The following GPR132 variants were observed in gnomAD, a reference collection of about 807,000 sequenced individuals.
The protein encoded by GPR132 is probable G protein-coupled receptor 132.
A neutral mutation model predicts 1.9 loss-of-function variants in GPR132; 4 were observed. That is an observed-to-expected ratio of 2.13 (90% confidence interval 1.05 to 4.87). The LOEUF (loss-of-function observed/expected upper bound fraction) is 4.87, where lower values mean the gene tolerates loss of function less well. Ranked by LOEUF, GPR132 falls within the 30% of genes most tolerant of loss-of-function variation. The pLI is 0.01. For synonymous variants in GPR132, 233 were observed against 234.2 expected, an observed-to-expected ratio of 0.99 and a Z score of 0.05; for missense variants, 404 against 512.5, an observed-to-expected ratio of 0.79 and a Z score of 2.04.
chr14:105,058,476 GT>G (rs1421347379), intron 1 of GPR132, among the ~76,000 whole-genome samples: 2 of 152,262 alleles, frequency 1.3e-5, no homozygotes, highest in Non-Finnish European at 2.9e-5. Context: ...GGCCTATCAT[GT>G]TGGCAAAAAT....
Position 105,051,651 on chromosome 14 carries a change from G to A in GPR132, c.486C>T (p.Ile162=). 2.5e-6 allele frequency: 4 copies of A among 1,613,938 alleles called. No homozygotes were observed. Among genetic ancestry groups the A allele is most frequent in the Non-Finnish European group, 3.4e-6 (4 of 1,180,048 alleles). ...GRRRRRTAIL[I]SACIFILVGI... Reference sequence around the variant, plus strand: ...CGACGAGGATGAAGATGCAGGCGGAGATGAGGATGGCGGTCCTCCGGCGGC... The same window carrying A: ...CGACGAGGATGAAGATGCAGGCGGAAATGAGGATGGCGGTCCTCCGGCGGC... The change falls in exon 4 of 4, where the codon ATC becomes ATT. Residue 162 remains isoleucine, a synonymous_variant. Transcript: ENST00000329797. This position sits in a 1 kb window ranked among gnomAD's most constrained non-coding sequence, Gnocchi z 8.0.
At chr14:105,061,854 G>A (rs1886952345) in intron 1 of GPR132, among the ~76,000 whole-genome samples, 1 of 152,212 alleles carries the variant, frequency 6.6e-6, no homozygotes, top group Non-Finnish European at 1.5e-5. Flanking sequence ...GGGTGGGAGT[G>A]ACTGAGCCCT....
At position 105,056,083 on chromosome 14, in the gene GPR132, T is replaced by G. The variant is rs1255458151; in HGVS notation, c.-663A>C. ...GCTGGCCCACCTTCCCCCGGCGGTG[T>G]GCAGGGCTCCGGTCTCCCCACAGCC... On this transcript the variant is annotated 5_prime_UTR_variant, in exon 3 of 4. Transcript: ENST00000329797. The surrounding 1 kb of genome is among the most constrained non-coding windows in gnomAD (Gnocchi z 6.0). The G allele has an allele frequency of 1.0e-6, 1 of 956,698 alleles. No homozygotes were observed. Among genetic ancestry groups the G allele is most frequent in the Non-Finnish European group, 1.2e-6 (1 of 803,648 alleles). The allele number at this position is 956,698 out of a possible 1,614,324, so 59.3% of individuals were successfully genotyped here. A position where few individuals can be genotyped will look rare whatever the true frequency, so the allele number is the denominator to read the frequency against.
chr14:105,063,845 CTT>C (rs5811167), intron 1 of GPR132, among the ~76,000 whole-genome samples: 3 of 148,720 alleles, frequency 2.0e-5, no homozygotes, highest in Non-Finnish European at 1.5e-5. Flanking sequence ...TTCTTTCTTT[CTT>C]TTTTTTTTTG....
At chr14:105,058,229 T>G (rs1012540653) in intron 1 of GPR132, among the ~76,000 whole-genome samples, 11 of 151,928 alleles carry the variant, frequency 7.2e-5, no homozygotes, top group African/African-American at 2.7e-4. Context: ...GGCATGATGG[T>G]GCACACGTGT....
chr14:105,050,717 C>G lies in GPR132; in HGVS notation c.*277G>C. The G allele has an allele frequency of 2.0e-6, 1 of 502,276 alleles. No individual in the cohort carries two copies. Among genetic ancestry groups the G allele is most frequent in the Non-Finnish European group, 3.6e-6 (1 of 279,750 alleles). The allele number at this position is 502,276 out of a possible 1,614,324, so 31.1% of individuals were successfully genotyped here. On this transcript the variant is annotated 3_prime_UTR_variant, in exon 4 of 4. Transcript: ENST00000329797. The surrounding 1 kb of genome is among the most constrained non-coding windows in gnomAD (Gnocchi z 4.0). ...ACCTGCCCACAGCCAAGGGAGCCAG[C>G]CAGGCAGGCTGCTGATGAAGAGGCC... is the stretch of plus-strand genomic sequence containing the variant.
chr14:105,064,812 G>A (rs1373053689), intron 1 of GPR132, among the ~76,000 whole-genome samples: 1 of 152,094 alleles, frequency 6.6e-6, no homozygotes, highest in Non-Finnish European at 1.5e-5. Flanking sequence ...CCGCCCCGCT[G>A]TGCCTGGTGC....
rs749544767 is a variant in GPR132 at position 105,051,135 on chromosome 14, G to A, written c.1002C>T (p.Asp334=). The change falls in exon 4 of 4, where the codon GAC becomes GAT. Residue 334 remains aspartate (D), a synonymous_variant. Transcript: ENST00000329797. This position sits in a 1 kb window ranked among gnomAD's most constrained non-coding sequence, Gnocchi z 8.0. ...CCCTGCTGTGGGTGAGCCTGGTGACGTCTGTCTTCATGGACCACTCTTTCC... is the reference window on the plus strand; with the variant it reads ...CCCTGCTGTGGGTGAGCCTGGTGACATCTGTCTTCATGGACCACTCTTTCC... ...KGWKEWSMKT[D]VTRLTHSRDT... 2.9e-5 allele frequency: 47 copies of A among 1,614,012 alleles called. No individual in the cohort carries two copies. The highest frequency in any genetic ancestry group is 3.8e-5 in the Non-Finnish European group (45 of 1,180,032).
rs1407154350 is a variant in GPR132 at position 105,056,772 on chromosome 14, A to C, written c.-747+395T>G. ...CTCCTGCCACAAGTGACCTCCTGGG[A>C]AGAGAGCCTTCCTGGTGGGTCAGAA... On this transcript the variant is annotated intron_variant, in intron 2 of 3. Coordinates refer to ENST00000329797, the MANE Select transcript of GPR132 (RefSeq NM_013345.4). The surrounding 1 kb of genome is among the most constrained non-coding windows in gnomAD (Gnocchi z 6.0). Among the ~76,000 whole-genome samples, 1 of 152,198 alleles carries C rather than the reference A, an allele frequency of 6.6e-6. No homozygotes were observed. Among genetic ancestry groups the C allele is most frequent in the East Asian group, 1.9e-4 (1 of 5,188 alleles).
At position 105,050,612 on chromosome 14, in the gene GPR132, G is replaced by A. The variant is rs771751889; in HGVS notation, c.*382C>T. Reference sequence around the variant, plus strand: ...GCACCACCGCATCCAGGCAACGCTTGCAGAAATGCTCCGCAAATAAAGTCA... The same window carrying A: ...GCACCACCGCATCCAGGCAACGCTTACAGAAATGCTCCGCAAATAAAGTCA... On this transcript the variant is annotated 3_prime_UTR_variant, in exon 4 of 4. Coordinates refer to ENST00000329797, the MANE Select transcript of GPR132 (RefSeq NM_013345.4). This position sits in a 1 kb window ranked among gnomAD's most constrained non-coding sequence, Gnocchi z 4.0. 19 of 247,776 alleles carry A rather than the reference G, an allele frequency of 7.7e-5. No individual in the cohort carries two copies. Among genetic ancestry groups the A allele is most frequent in the Non-Finnish European group, 1.2e-4 (15 of 126,434 alleles). The allele number at this position is 247,776 out of a possible 1,614,324, so 15.3% of individuals were successfully genotyped here. A position where few individuals can be genotyped will look rare whatever the true frequency, so the allele number is the denominator to read the frequency against.
In GPR132 at chr14:105,055,023, CAAA is replaced by C. The variant is rs35863392; in HGVS notation, c.34+361_34+363del. On this transcript the variant is annotated intron_variant, in intron 3 of 3. Coordinates refer to ENST00000329797, the MANE Select transcript of GPR132 (RefSeq NM_013345.4). This position sits in a 1 kb window ranked among gnomAD's most constrained non-coding sequence, Gnocchi z 4.7. Reference sequence around the variant, plus strand: ...AGGGCAACAGAGCAAGACTCCATCTCAAAAAAAAAAAAAAAAAAAAAATTCGGC... The same window carrying C: ...AGGGCAACAGAGCAAGACTCCATCTCAAAAAAAAAAAAAAAAAAATTCGGC... Among the ~76,000 whole-genome samples the C allele has an allele frequency of 1.1e-3, 102 of 91,278 alleles. No homozygotes were observed. Among genetic ancestry groups the C allele is most frequent in the Non-Finnish European group, 1.7e-3 (79 of 46,908 alleles). The allele number at this position is 91,278 out of a possible 152,430, so 59.9% of individuals were successfully genotyped here.
intron 1 of GPR132, among the ~76,000 whole-genome samples, chr14:105,063,062 C>A (rs1014617011): frequency 6.6e-6 from 1 of 152,106 alleles, no homozygotes; most frequent in African/African-American, 2.4e-5. Flanking sequence ...GGACTACAGG[C>A]ACCTGCTGCC....
chr14:105,063,374 T>C (rs1887000188), intron 1 of GPR132, among the ~76,000 whole-genome samples: 1 of 151,828 alleles, frequency 6.6e-6, no homozygotes, highest in Admixed American at 6.6e-5. Flanking sequence ...ATCTATTTTG[T>C]AACTTTTTTT....
At chr14:105,063,456 C>G (rs574173606) in intron 1 of GPR132, among the ~76,000 whole-genome samples, 1 of 151,424 alleles carries the variant, frequency 6.6e-6, no homozygotes, top group Admixed American at 6.6e-5. Context: ...CTCACTGCAA[C>G]CTCTGCCTCC....
At chr14:105,057,380 T>C (rs566648656) in intron 1 of GPR132, 100 bp from the exon 2 acceptor site, 16 of 547,130 alleles carry the variant, frequency 2.9e-5, no homozygotes, top group Admixed American at 7.0e-5. Context: ...ATTTACTAAG[T>C]GGCCCGTTGA....
rs1000695557 is a variant in GPR132 at position 105,056,076 on chromosome 14, G to A, written c.-656C>T. 10 of 932,850 alleles carry A rather than the reference G, an allele frequency of 1.1e-5. No individual in the cohort carries two copies. Among genetic ancestry groups the A allele is most frequent in the African/African-American group, 1.8e-5 (1 of 56,330 alleles). The allele number at this position is 932,850 out of a possible 1,614,324, so 57.8% of individuals were successfully genotyped here. A position where few individuals can be genotyped will look rare whatever the true frequency, so the allele number is the denominator to read the frequency against. On this transcript the variant is annotated 5_prime_UTR_variant, in exon 3 of 4. Coordinates refer to ENST00000329797, the MANE Select transcript of GPR132 (RefSeq NM_013345.4). The surrounding 1 kb of genome is among the most constrained non-coding windows in gnomAD (Gnocchi z 6.0). ...TGGTGGCGCTGGCCCACCTTCCCCCGGCGGTGTGCAGGGCTCCGGTCTCCC... is the reference window on the plus strand; with the variant it reads ...TGGTGGCGCTGGCCCACCTTCCCCCAGCGGTGTGCAGGGCTCCGGTCTCCC...
intron 3 of GPR132, among the ~76,000 whole-genome samples, chr14:105,054,834 G>A (rs577435744): frequency 1.3e-4 from 19 of 150,510 alleles, no homozygotes; most frequent in African/African-American, 3.4e-4. Flanking sequence ...GAGGTCAGGC[G>A]TTCGAGACCA....
At position 105,050,479 on chromosome 14, in the gene GPR132, G is replaced by C. The variant is rs1886603185; in HGVS notation, c.*515C>G. ...CCCAGATGAGGGCGCCTGCCCCCTT[G>C]GAGGTGGTAGGCTGCCCTATGCCCT... On this transcript the variant is annotated 3_prime_UTR_variant, in exon 4 of 4. Coordinates refer to ENST00000329797, the MANE Select transcript of GPR132 (RefSeq NM_013345.4). The surrounding 1 kb of genome is among the most constrained non-coding windows in gnomAD (Gnocchi z 4.0). 1.9e-5 allele frequency: 3 copies of C among 160,496 alleles called. No homozygotes were observed. The highest frequency in any genetic ancestry group is 1.2e-4 in the Admixed American group (2 of 16,926). The allele number at this position is 160,496 out of a possible 1,614,324, so 9.9% of individuals were successfully genotyped here.
At chr14:105,054,290 G>A (rs1886727454) in intron 3 of GPR132, 1 of 1,078,586 alleles carries the variant, frequency 9.3e-7, no homozygotes, top group South Asian at 2.2e-5. Flanking sequence ...CTGGCCTCAG[G>A]AACCTTCCAC....
Sources: gnomAD v4.1 joint callset for allele counts (sites outside exome capture counted in the v4.1 genomes callset) on GRCh38, gnomAD v4.1.1 for gene constraint, Gnocchi (gnomAD v3.1) non-coding constraint, MANE v1.5 for transcripts, NCBI Gene and HGNC (gene_info 2026-07-23, HGNC 2026-07-21) for gene names.